The following CNNM2 variants were observed in gnomAD, a reference collection of about 807,000 sequenced individuals.
CNNM2 encodes the protein cyclin and CBS domain divalent metal cation transport mediator 2, also known as metal transporter CNNM2.
A neutral mutation model predicts 66.9 loss-of-function variants in CNNM2; 12 were observed. The ratio of observed to expected loss-of-function variants is 0.18; its 90% CI spans 0.11 to 0.29. CNNM2 has a LOEUF of 0.29. CNNM2 is among the 10% of genes least tolerant of loss of function. CNNM2 has a pLI of 1.00. For missense variants in CNNM2, 705 were observed against 1,167.7 expected (o/e 0.60, Z 5.77); for synonymous variants, 557 against 501.8 (o/e 1.11, Z -1.47).
At chr10:103,073,581 GC>G (rs1270419111) in intron 6 of CNNM2, among the ~76,000 whole-genome samples, 12 of 152,204 alleles carry the variant, frequency 7.9e-5, no homozygotes, top group Non-Finnish European at 1.8e-4. Flanking sequence ...TAGAAAATGG[GC>G]CGGGCGCGGT....
intron 1 of CNNM2, among the ~76,000 whole-genome samples, chr10:103,041,476 G>T (rs1407661859): frequency 6.6e-6 from 1 of 152,184 alleles, no homozygotes; most frequent in African/African-American, 2.4e-5. Context: ...CAGCTGAACT[G>T]TCCTAATGAC....
At chr10:102,954,791 G>A (rs1846973949) in intron 1 of CNNM2, among the ~76,000 whole-genome samples, 1 of 152,114 alleles carries the variant, frequency 6.6e-6, no homozygotes. Flanking sequence ...GGACTTCAAG[G>A]GGACTTCATT....
chr10:102,996,597 G>A (rs774920540), intron 1 of CNNM2, among the ~76,000 whole-genome samples: 5 of 152,154 alleles, frequency 3.3e-5, no homozygotes, highest in Non-Finnish European at 7.3e-5. Flanking sequence ...CCTAGTACTC[G>A]GGAGGCCGAG....
intron 1 of CNNM2, among the ~76,000 whole-genome samples, chr10:102,944,967 G>GTT (rs149798398): frequency 6.8e-6 from 1 of 147,042 alleles, no homozygotes; most frequent in African/African-American, 2.5e-5. Flanking sequence ...ATATGGTTTT[G>GTT]TTTTGTTTTT....
chr10:103,036,278 G>C (rs1171251673), intron 1 of CNNM2, among the ~76,000 whole-genome samples: 1 of 152,212 alleles, frequency 6.6e-6, no homozygotes, highest in Non-Finnish European at 1.5e-5. Flanking sequence ...CACAGGCACA[G>C]TCTGAAGTTG....
chr10:103,076,026 C>A, intron 6 of CNNM2, 60 bp from the exon 7 acceptor site: 1 of 1,428,652 alleles, frequency 7.0e-7, no homozygotes, highest in Non-Finnish European at 9.5e-7. Flanking sequence ...TGGAAAATAA[C>A]TGGTTTTATT....
At chr10:103,017,206 G>A (rs1038014083) in intron 1 of CNNM2, among the ~76,000 whole-genome samples, 1 of 152,132 alleles carries the variant, frequency 6.6e-6, no homozygotes, top group Non-Finnish European at 1.5e-5. Context: ...ATGTTTTAAT[G>A]TTCTGGTCTG....
At chr10:102,951,538 A>C (rs1212262039) in intron 1 of CNNM2, among the ~76,000 whole-genome samples, 1 of 151,802 alleles carries the variant, frequency 6.6e-6, no homozygotes, top group Non-Finnish European at 1.5e-5. Flanking sequence ...GTGGGCTTTG[A>C]GCACGCTTGC....
rs2134338503 is a variant in CNNM2, at chr10:103,054,376, G to T, written c.1813G>T (p.Asp605Tyr). 2.5e-6 allele frequency: 4 copies of T among 1,613,810 alleles called. No individual in the cohort carries two copies. The highest frequency in any genetic ancestry group is 1.3e-5 in the African/African-American group (1 of 74,958). The change falls in exon 3 of 8, where the codon GAT becomes TAT. Residue 605 changes from aspartate to tyrosine, a missense_variant. By Grantham distance (160) the Asp-to-Tyr change is radical (BLOSUM62 -3). Coordinates refer to ENST00000369878, the MANE Select transcript of CNNM2 (RefSeq NM_017649.5). This position sits in a 1 kb window ranked among gnomAD's most constrained non-coding sequence, Gnocchi z 5.2. ...AGTGGCTCACCGGGAACGAAAGCAAGATTTTTCTGCCTTTAAGCAGACAGA... is the reference window on the plus strand; with the variant it reads ...AGTGGCTCACCGGGAACGAAAGCAATATTTTTCTGCCTTTAAGCAGACAGA... ...KKVAHRERKQDFSAFKQTDSE... is the reference protein window; with the variant it reads ...KKVAHRERKQYFSAFKQTDSE...
At chr10:102,920,133 C>CTCT in intron 1 of CNNM2, 32 bp downstream of exon 1, 1 of 1,614,100 alleles carries the variant, frequency 6.2e-7, no homozygotes, top group Non-Finnish European at 8.5e-7. Flanking sequence ...CATTGGCTTG[C>CTCT]TCTTTCTCTC....
At chr10:103,027,726 G>A (rs1394765669) in intron 1 of CNNM2, among the ~76,000 whole-genome samples, 1 of 152,158 alleles carries the variant, frequency 6.6e-6, no homozygotes, top group African/African-American at 2.4e-5. Flanking sequence ...AAGGTATTAT[G>A]CATGTACATT....
At chr10:102,940,406 T>G (rs888803316) in intron 1 of CNNM2, among the ~76,000 whole-genome samples, 2 of 152,180 alleles carry the variant, frequency 1.3e-5, no homozygotes, top group African/African-American at 4.8e-5. Context: ...AAATACATTT[T>G]GTTTTATTTT....
chr10:102,973,124 T>G (rs1455869985), intron 1 of CNNM2, among the ~76,000 whole-genome samples: 2 of 151,434 alleles, frequency 1.3e-5, no homozygotes, highest in African/African-American at 2.5e-5. Flanking sequence ...GTATCTAAAG[T>G]ACATCAGTAC....
intron 1 of CNNM2, among the ~76,000 whole-genome samples, chr10:102,969,338 C>T (rs1020863361): frequency 2.6e-5 from 4 of 152,076 alleles, no homozygotes; most frequent in East Asian, 1.9e-4. Context: ...CTCAGCCTCC[C>T]GAGTAGCTAG....
intron 4 of CNNM2, among the ~76,000 whole-genome samples, chr10:103,064,055 G>T (rs139106330): frequency 1.7e-3 from 264 of 152,338 alleles, no homozygotes; most frequent in African/African-American, 5.1e-3. Context: ...AGAGAGGGAT[G>T]TAGTGGGGTG....
intron 1 of CNNM2, among the ~76,000 whole-genome samples, chr10:102,975,864 T>C (rs529135128): frequency 6.6e-6 from 1 of 152,302 alleles, no homozygotes; most frequent in African/African-American, 2.4e-5. Flanking sequence ...CCTCTGGAAT[T>C]TGGCCCCAGC....
intron 1 of CNNM2, among the ~76,000 whole-genome samples, chr10:103,017,404 C>G (rs2064475516): frequency 6.6e-6 from 1 of 152,074 alleles, no homozygotes; most frequent in Non-Finnish European, 1.5e-5. Context: ...GGGGAGCAGA[C>G]TAAGCAAATA....
chr10:102,941,570 G>A (rs146902743), intron 1 of CNNM2, among the ~76,000 whole-genome samples: 178 of 152,246 alleles, frequency 1.2e-3, no homozygotes, highest in Middle Eastern at 3.4e-3. Context: ...GGTACTCTAG[G>A]CATGCCCCTG....
At chr10:102,947,246 G>T (rs1182877584) in intron 1 of CNNM2, among the ~76,000 whole-genome samples, 1 of 151,822 alleles carries the variant, frequency 6.6e-6, no homozygotes, top group African/African-American at 2.4e-5. Context: ...CCCTATAAAG[G>T]GTTCAGTTTT....
Sources: gnomAD v4.1 joint callset for allele counts (sites outside exome capture counted in the v4.1 genomes callset) on GRCh38, gnomAD v4.1.1 for gene constraint, Gnocchi (gnomAD v3.1) non-coding constraint, MANE v1.5 for transcripts, NCBI Gene and HGNC (gene_info 2026-07-23, HGNC 2026-07-21) for gene names.